SLC22A11: variants seen among roughly 807,000 people sequenced by gnomAD.
The protein encoded by SLC22A11 is solute carrier family 22 member 11.
Under a neutral mutation model 49.4 loss-of-function variants are expected in SLC22A11, and 42 were observed. That is an observed-to-expected ratio of 0.85 (90% confidence interval 0.66 to 1.10). The LOEUF is 1.10. Among genes scored for constraint, SLC22A11 ranks in the 50% least tolerant of loss-of-function variants. SLC22A11 has a pLI of 0.00. For synonymous variants in SLC22A11, 304 were observed against 315.8 expected (o/e 0.96, Z 0.40); for missense variants, 685 against 731.6 (o/e 0.94, Z 0.74).
chr11:64,571,183 G>C lies in SLC22A11; in HGVS notation c.*141G>C. On this transcript the variant is annotated 3_prime_UTR_variant, in exon 10 of 10. Transcript: ENST00000301891. Reference sequence around the variant, plus strand: ...CCAGGCAGCCGTGGCCGAGTGGACAGCGTGGCCGTCTGCTGTGGCTGAAGG... The same window carrying C: ...CCAGGCAGCCGTGGCCGAGTGGACACCGTGGCCGTCTGCTGTGGCTGAAGG... 1.2e-6 allele frequency: 1 copy of C among 834,902 alleles called. No homozygotes were observed. Among genetic ancestry groups the C allele is most frequent in the South Asian group, 1.6e-5 (1 of 63,240 alleles). 51.7% of individuals were successfully genotyped at this position (834,902 alleles called of 1,614,324 possible). A position where few individuals can be genotyped will look rare whatever the true frequency, so the allele number is the denominator to read the frequency against.
intron 1 of SLC22A11, among the ~76,000 whole-genome samples, chr11:64,558,619 C>T (rs2038496482): frequency 6.6e-6 from 1 of 152,186 alleles, no homozygotes; most frequent in African/African-American, 2.4e-5. Flanking sequence ...AAAGGATAGC[C>T]CAGCCGAGGC....
At chr11:64,559,809 G>A (rs2038517240) in intron 2 of SLC22A11, among the ~76,000 whole-genome samples, 1 of 152,178 alleles carries the variant, frequency 6.6e-6, no homozygotes, top group Non-Finnish European at 1.5e-5. Flanking sequence ...GCCGGTTAGG[G>A]GAACAGGGCA....
intron 1 of SLC22A11, among the ~76,000 whole-genome samples, chr11:64,557,009 C>T (rs144004691): frequency 1.3e-5 from 2 of 152,312 alleles, no homozygotes; most frequent in African/African-American, 4.8e-5. Context: ...GGCCCAGATT[C>T]GGATCGGGGC....
In SLC22A11 at chr11:64,556,184, C is replaced by A; in HGVS notation, c.185C>A (p.Thr62Lys). 6.2e-7 allele frequency: 1 copy of A among 1,614,204 alleles called. No homozygotes were observed. Among genetic ancestry groups the A allele is most frequent in the Non-Finnish European group, 8.5e-7 (1 of 1,180,038 alleles). ...HMLDNGSAVS[T>K]NMTPKALLTI... ...CTGGACAATGGCTCTGCGGTTTCCA[C>A]AAACATGACCCCCAAGGCCCTTCTG... Residue 62 changes from threonine to lysine, a missense_variant, in exon 1 of 10, where the codon ACA becomes AAA. By Grantham distance (78) the Thr-to-Lys change is moderately conservative. Transcript: ENST00000301891.
chr11:64,567,719 C>T lies in SLC22A11; in HGVS notation c.1179C>T (p.Ala393=). The T allele has an allele frequency of 6.2e-7, 1 of 1,613,804 alleles. No individual in the cohort carries two copies. Among genetic ancestry groups the T allele is most frequent in the Non-Finnish European group, 8.5e-7 (1 of 1,180,024 alleles). ...ACTTCCTGGGCCGGGCCACCACTGC[C>T]CTCTTGCTCAGTTTCCTTGGCCGCC... ...AVDFLGRATT[A]LLLSFLGRRT... is the part of the protein sequence containing the mutation. Residue 393 remains alanine, a synonymous_variant, in exon 7 of 10, where the codon GCC becomes GCT. Coordinates refer to ENST00000301891, the MANE Select transcript of SLC22A11 (RefSeq NM_018484.4).
At position 64,565,550 on chromosome 11, in the gene SLC22A11, C is replaced by T; in HGVS notation, c.1058+213C>T. The T allele has an allele frequency of 1.6e-6, 1 of 634,288 alleles. No homozygotes were observed. Among genetic ancestry groups the T allele is most frequent in the Non-Finnish European group, 2.9e-6 (1 of 341,818 alleles). The allele number at this position is 634,288 out of a possible 1,614,324, so 39.3% of individuals were successfully genotyped here. ...ATGCACAGGTGGGATCTGGAGGCTGCCATCTGCAGGAAGCCAGAGGAAAAG... is the reference window on the plus strand; with the variant it reads ...ATGCACAGGTGGGATCTGGAGGCTGTCATCTGCAGGAAGCCAGAGGAAAAG... On this transcript the variant is annotated intron_variant, in intron 6 of 9. Coordinates refer to ENST00000301891, the MANE Select transcript of SLC22A11 (RefSeq NM_018484.4). This position sits in a 1 kb window ranked among gnomAD's most constrained non-coding sequence, Gnocchi z 4.1.
rs763918241 is a variant in SLC22A11 at position 64,568,654 on chromosome 11, C to G, written c.1274-16C>G. On this transcript the variant is annotated splice_polypyrimidine_tract_variant and intron_variant, in intron 7 of 9. Coordinates refer to ENST00000301891, the MANE Select transcript of SLC22A11 (RefSeq NM_018484.4). ...CTCCAGGGCAAACCCCACTCTCACC[C>G]CCTTCCTGTACCCAGATTTGCAGAC... 6.2e-7 allele frequency: 1 copy of G among 1,611,476 alleles called. No individual in the cohort carries two copies. The highest frequency in any genetic ancestry group is 8.5e-7 in the Non-Finnish European group (1 of 1,177,746).
chr11:64,561,382 C>T (rs567736227), intron 2 of SLC22A11, among the ~76,000 whole-genome samples: 19 of 152,270 alleles, frequency 1.2e-4, no homozygotes, highest in African/African-American at 4.3e-4. Context: ...AATCACATGC[C>T]CAGGGTCACC....
intron 4 of SLC22A11, among the ~76,000 whole-genome samples, chr11:64,563,925 A>AAAAAAAC (rs1565122188): frequency 2.0e-5 from 3 of 151,716 alleles, no homozygotes; most frequent in African/African-American, 7.3e-5. Flanking sequence ...CAAAAAAAAA[A>AAAAAAAC]CAAAAAAACC....
chr11:64,559,080 C>T, intron 1 of SLC22A11, 55 bp from the exon 2 acceptor site: 13 of 1,503,582 alleles, frequency 8.6e-6, no homozygotes, highest in Non-Finnish European at 1.2e-5. Flanking sequence ...TCGGCCGTGC[C>T]CAGCCCTGTG....
chr11:64,565,243 G>A lies in SLC22A11; in HGVS notation c.964G>A (p.Glu322Lys). 6.5e-7 allele frequency: 1 copy of A among 1,544,698 alleles called. No homozygotes were observed. The highest frequency in any genetic ancestry group is 8.7e-7 in the Non-Finnish European group (1 of 1,143,084). ...GAAGGTGCTGATGTCCAGCGTGAAG[G>A]AGGAGGTGGCCTCTGCAAAGGAGCC... is the stretch of plus-strand genomic sequence containing the variant. ...TIEVLMSSVK[E>K]EVASAKEPRS... The change falls in exon 6 of 10, where the codon GAG (glutamate) becomes AAG (lysine). Residue 322 changes from glutamate (E) to lysine (K), a missense_variant. Glu to Lys is a moderately conservative substitution (Grantham distance 56). Coordinates refer to ENST00000301891, the MANE Select transcript of SLC22A11 (RefSeq NM_018484.4). The surrounding 1 kb of genome is among the most constrained non-coding windows in gnomAD (Gnocchi z 4.1).
intron 7 of SLC22A11, among the ~76,000 whole-genome samples, chr11:64,568,092 G>C (rs2038653042): frequency 1.3e-5 from 2 of 152,256 alleles, no homozygotes; most frequent in Admixed American, 1.3e-4. Flanking sequence ...AGGCCTGAGC[G>C]GGGACGGAGG....
At chr11:64,569,329 T>G (rs1354395912) in intron 8 of SLC22A11, among the ~76,000 whole-genome samples, 1 of 152,204 alleles carries the variant, frequency 6.6e-6, no homozygotes, top group Non-Finnish European at 1.5e-5. Flanking sequence ...ATATTTTAAT[T>G]TGTTGTTTGG....
At position 64,565,101 on chromosome 11, in the gene SLC22A11, A is replaced by G; in HGVS notation, c.943-121A>G. On this transcript the variant is annotated intron_variant, in intron 5 of 9. Transcript: ENST00000301891. This position sits in a 1 kb window ranked among gnomAD's most constrained non-coding sequence, Gnocchi z 4.1. ...CCCTTCCCCTAGGGATCCAGCTTCC[A>G]GAGGCCGAGGCCCAGGACAGGCTCC... 2.7e-6 allele frequency: 2 copies of G among 742,206 alleles called. No individual in the cohort carries two copies. The highest frequency in any genetic ancestry group is 4.3e-6 in the Non-Finnish European group (2 of 459,844). The allele number at this position is 742,206 out of a possible 1,614,324, so 46.0% of individuals were successfully genotyped here.
intron 2 of SLC22A11, among the ~76,000 whole-genome samples, chr11:64,559,939 G>A (rs1307618715): frequency 1.3e-5 from 2 of 152,064 alleles, no homozygotes; most frequent in African/African-American, 4.8e-5. Context: ...TCTTCTCTTG[G>A]CTTCCAGAAC....
Position 64,565,411 on chromosome 11 carries a change from C to A in SLC22A11, c.1058+74C>A. On this transcript the variant is annotated intron_variant, in intron 6 of 9. Transcript: ENST00000301891. The surrounding 1 kb of genome is among the most constrained non-coding windows in gnomAD (Gnocchi z 4.1). ...AGGCAGAGCTGGGACAGGCAGGAGG[C>A]AGAGCGTCCAGGGGAAACAGCACCC... 2 of 1,273,744 alleles carry A rather than the reference C, an allele frequency of 1.6e-6. No homozygotes were observed. The highest frequency in any genetic ancestry group is 2.2e-6 in the Non-Finnish European group (2 of 907,468). 78.9% of individuals were successfully genotyped at this position (1,273,744 alleles called of 1,614,324 possible). A position where few individuals can be genotyped will look rare whatever the true frequency, so the allele number is the denominator to read the frequency against.
chr11:64,561,150 C>A (rs1409018985), intron 2 of SLC22A11, among the ~76,000 whole-genome samples: 2 of 152,218 alleles, frequency 1.3e-5, no homozygotes, highest in Non-Finnish European at 2.9e-5. Context: ...GGCCTGGAGG[C>A]CACCGCAGCC....
intron 2 of SLC22A11, among the ~76,000 whole-genome samples, chr11:64,561,553 A>T (rs981947608): frequency 9.2e-5 from 14 of 152,162 alleles, no homozygotes; most frequent in African/African-American, 3.4e-4. Context: ...GGCTCAAGCC[A>T]TCCTCCCACC....
rs1256945702 is a variant in SLC22A11, at chr11:64,569,640, C to T, written c.1383-12C>T. On this transcript the variant is annotated splice_polypyrimidine_tract_variant and intron_variant, in intron 8 of 9. Coordinates refer to ENST00000301891, the MANE Select transcript of SLC22A11 (RefSeq NM_018484.4). ...CTGTTACAGGGATCTGGGCCCTCCCCTTCACCCACAGGATGACAGCAGATG... is the reference window on the plus strand; with the variant it reads ...CTGTTACAGGGATCTGGGCCCTCCCTTTCACCCACAGGATGACAGCAGATG... 1 of 1,611,094 alleles carries T rather than the reference C, an allele frequency of 6.2e-7. No individual in the cohort carries two copies. Among genetic ancestry groups the T allele is most frequent in the African/African-American group, 1.3e-5 (1 of 75,008 alleles).
Sources: gnomAD v4.1 joint callset for allele counts (sites outside exome capture counted in the v4.1 genomes callset) on GRCh38, gnomAD v4.1.1 for gene constraint, Gnocchi (gnomAD v3.1) non-coding constraint, MANE v1.5 for transcripts, NCBI Gene and HGNC (gene_info 2026-07-23, HGNC 2026-07-21) for gene names.